The following NLGN1 variants were observed in gnomAD, a reference collection of about 807,000 sequenced individuals.
The protein encoded by NLGN1 is neuroligin 1, also known as neuroligin-1.
NLGN1 carries 12 observed loss-of-function variants against 65.5 expected under a neutral mutation model. The ratio of observed to expected loss-of-function variants is 0.18; its 90% confidence interval spans 0.12 to 0.30. The LOEUF is 0.30. NLGN1 is among the 10% of genes least tolerant of loss of function. The pLI is 1.00. For missense variants in NLGN1, 750 were observed against 1,007.1 expected (o/e 0.74, Z 3.46); for synonymous variants, 350 against 359.5 (o/e 0.97, Z 0.30).
rs200258151 is a variant in NLGN1 at position 174,279,420 on chromosome 3, G to A, written c.1419G>A (p.Ala473=). The A allele has an allele frequency of 2.3e-5, 37 of 1,613,162 alleles. No individual in the cohort carries two copies. Among genetic ancestry groups the A allele is most frequent in the East Asian group, 8.9e-5 (4 of 44,814 alleles). The change falls in exon 6 of 7, where the codon GCG becomes GCA. Residue 473 remains alanine, a synonymous_variant. Transcript: ENST00000457714. This position sits in a 1 kb window ranked among gnomAD's most constrained non-coding sequence, Gnocchi z 4.7. ...GGGTGGCACCAGCTGTAGCCACAGC[G>A]GATCTTCACTCAAACTTTGGTTCAC...
chr3:173,577,149 T>G (rs1413497409), intron 2 of NLGN1, among the ~76,000 whole-genome samples: 1 of 152,212 alleles, frequency 6.6e-6, no homozygotes, highest in Non-Finnish European at 1.5e-5. Context: ...ATGATTAGTT[T>G]GAGTCCTTGT....
At chr3:174,228,790 G>A (rs1185111227) in intron 4 of NLGN1, among the ~76,000 whole-genome samples, 1 of 151,974 alleles carries the variant, frequency 6.6e-6, no homozygotes, top group African/African-American at 2.4e-5. Flanking sequence ...CAAAAAAGTG[G>A]TGTTTCTATT....
In NLGN1 at chr3:173,553,456, A is replaced by G. The variant is rs143978067; in HGVS notation, c.-320-50823A>G. ...GTGCCAGATAATTGAACTATGTGTA[A>G]GTGCAATGCTTTTTCTCACAAATGA... On this transcript the variant is annotated intron_variant, in intron 2 of 6. Coordinates refer to ENST00000457714, the Ensembl canonical transcript of NLGN1. 2.6e-3 allele frequency among the ~76,000 whole-genome samples: 403 copies of G among 152,288 alleles called. 1 individual carries two copies. The highest frequency in any genetic ancestry group is 8.8e-3 in the African/African-American group (367 of 41,564).
intron 4 of NLGN1, among the ~76,000 whole-genome samples, chr3:174,194,987 G>A (rs1487164970): frequency 1.3e-5 from 2 of 150,920 alleles, no homozygotes; most frequent in South Asian, 2.1e-4. Context: ...TCAGCCTCCC[G>A]AGTAGCTGGG....
intron 2 of NLGN1, among the ~76,000 whole-genome samples, chr3:173,499,316 T>G (rs1730592918): frequency 1.3e-5 from 2 of 151,986 alleles, no homozygotes; most frequent in South Asian, 4.1e-4. Context: ...TAGGGAATCC[T>G]TTCCCCATTG....
intron 3 of NLGN1, among the ~76,000 whole-genome samples, chr3:173,632,837 G>GTTTTTT (rs59210572): frequency 8.5e-6 from 1 of 117,792 alleles, no homozygotes; most frequent in Non-Finnish European, 1.7e-5. Context: ...CTTGAGTAGT[G>GTTTTTT]TTTTTTTTTT....
chr3:173,722,241 C>CTTTTT (rs58327862), intron 3 of NLGN1, among the ~76,000 whole-genome samples: 6 of 100,094 alleles, frequency 6.0e-5, no homozygotes, highest in Admixed American at 1.2e-4. Flanking sequence ...TCTTCTTCTT[C>CTTTTT]TTTTTTTTTT....
At chr3:173,726,914 T>G (rs549967512) in intron 3 of NLGN1, among the ~76,000 whole-genome samples, 1 of 144,586 alleles carries the variant, frequency 6.9e-6, no homozygotes. Flanking sequence ...CAGAAGCAAC[T>G]TGCGATTCAC....
intron 4 of NLGN1, among the ~76,000 whole-genome samples, chr3:174,040,838 T>G (rs1732136488): frequency 6.6e-6 from 1 of 152,154 alleles, no homozygotes; most frequent in Admixed American, 6.6e-5. Flanking sequence ...ATTTTATTAT[T>G]CTTGTTTTGC....
At chr3:173,911,473 A>T (rs76804915) in intron 4 of NLGN1, among the ~76,000 whole-genome samples, 10,094 of 152,286 alleles carry the variant, frequency 0.066, 428 homozygotes, top group Non-Finnish European at 0.099. Context: ...CTCTCCTTCA[A>T]TATATGTAAA....
intron 1 of NLGN1, among the ~76,000 whole-genome samples, chr3:173,433,507 A>G (rs986936239): frequency 6.6e-6 from 1 of 152,192 alleles, no homozygotes; most frequent in African/African-American, 2.4e-5. Flanking sequence ...AAAAAGAAGG[A>G]AAAGGGAAGA....
intron 2 of NLGN1, among the ~76,000 whole-genome samples, chr3:173,484,157 C>A (rs1727768689): frequency 6.6e-6 from 1 of 151,958 alleles, no homozygotes; most frequent in African/African-American, 2.4e-5. Context: ...AAACCTTAAA[C>A]CTATGTGTAT....
At chr3:173,668,687 G>GAT (rs1762056724) in intron 3 of NLGN1, among the ~76,000 whole-genome samples, 1 of 148,458 alleles carries the variant, frequency 6.7e-6, no homozygotes, top group African/African-American at 2.5e-5. Context: ...GCAGTGGCAT[G>GAT]ATCTCAGCTC....
At chr3:174,168,094 G>A (rs1727867947) in intron 4 of NLGN1, among the ~76,000 whole-genome samples, 1 of 151,922 alleles carries the variant, frequency 6.6e-6, no homozygotes, top group South Asian at 2.1e-4. Flanking sequence ...TTTTTAAGAT[G>A]TTTATCTCTT....
chr3:173,481,959 G>A (rs1727370115), intron 2 of NLGN1, among the ~76,000 whole-genome samples: 1 of 151,778 alleles, frequency 6.6e-6, no homozygotes, highest in African/African-American at 2.4e-5. Flanking sequence ...TTTTATGTTT[G>A]TTATTCATTT....
At chr3:173,864,777 C>T (rs142758492) in intron 4 of NLGN1, among the ~76,000 whole-genome samples, 50 of 152,300 alleles carry the variant, frequency 3.3e-4, no homozygotes, top group Non-Finnish European at 4.3e-4. Context: ...TTGGCATATG[C>T]ATCTCCTTAC....
At chr3:173,885,644 A>G (rs1227373984) in intron 4 of NLGN1, among the ~76,000 whole-genome samples, 3 of 152,130 alleles carry the variant, frequency 2.0e-5, no homozygotes, top group Non-Finnish European at 4.4e-5. Flanking sequence ...TAAGTGTCCA[A>G]AGGAAATAAT....
intron 3 of NLGN1, among the ~76,000 whole-genome samples, chr3:173,655,571 A>G (rs1317601028): frequency 1.3e-5 from 2 of 149,956 alleles, no homozygotes; most frequent in Non-Finnish European, 3.0e-5. Flanking sequence ...TGATGTTTTG[A>G]AAAAAAAAAT....
chr3:174,084,514 C>A (rs1054347066), intron 4 of NLGN1, among the ~76,000 whole-genome samples: 52 of 152,044 alleles, frequency 3.4e-4, no homozygotes, highest in African/African-American at 1.2e-3. Flanking sequence ...AAATTATATT[C>A]ATTTAATCTT....
Sources: gnomAD v4.1 joint callset for allele counts (sites outside exome capture counted in the v4.1 genomes callset) on GRCh38, gnomAD v4.1.1 for gene constraint, Gnocchi (gnomAD v3.1) non-coding constraint, MANE v1.5 for transcripts, NCBI Gene and HGNC (gene_info 2026-07-23, HGNC 2026-07-21) for gene names.